Variants in KIAA1217 observed in about 807,000 individuals in gnomAD.
KIAA1217 encodes the protein KIAA1217.
In KIAA1217, 88 loss-of-function variants were observed where a neutral mutation model predicts 163.9. That is an observed-to-expected ratio of 0.54 (90% CI 0.45 to 0.64). The LOEUF (loss-of-function observed/expected upper bound fraction) is 0.64, where lower values mean the gene tolerates loss of function less well. Among genes scored for constraint, KIAA1217 ranks in the 30% least tolerant of loss-of-function variants. The probability of loss-of-function intolerance (pLI) is 0.00; values close to 1 mark genes in which losing one functional copy is unlikely to be tolerated. For missense variants in KIAA1217, 2,372 were observed against 2,475.0 expected, an observed-to-expected ratio of 0.96 and a Z score of 0.88; for synonymous variants, 903 against 923.1, an observed-to-expected ratio of 0.98 and a Z score of 0.39.
At chr10:24,368,250 A>G (rs1465606915) in intron 2 of KIAA1217, among the ~76,000 whole-genome samples, 1 of 152,158 alleles carries the variant, frequency 6.6e-6, no homozygotes, top group African/African-American at 2.4e-5. Context: ...GTTAAAATGC[A>G]GAAAGGGAAA....
intron 9 of KIAA1217, among the ~76,000 whole-genome samples, chr10:24,508,810 A>G (rs1349187273): frequency 6.6e-6 from 1 of 152,264 alleles, no homozygotes; most frequent in Non-Finnish European, 1.5e-5. Flanking sequence ...AGCACATGTT[A>G]TATAATTCCA....
intron 2 of KIAA1217, among the ~76,000 whole-genome samples, chr10:24,105,877 G>T (rs528842045): frequency 6.6e-6 from 1 of 152,186 alleles, no homozygotes; most frequent in African/African-American, 2.4e-5. Flanking sequence ...TGGAGCCTTG[G>T]GGGAGGAAAG....
chr10:23,799,879 G>A (rs529635223), intron 1 of KIAA1217, among the ~76,000 whole-genome samples: 1 of 152,272 alleles, frequency 6.6e-6, no homozygotes, highest in African/African-American at 2.4e-5. Flanking sequence ...CAGCAAACAG[G>A]GGAGGGTTCT....
intron 2 of KIAA1217, among the ~76,000 whole-genome samples, chr10:24,251,741 G>A (rs1157353216): frequency 2.0e-5 from 3 of 151,930 alleles, no homozygotes; most frequent in African/African-American, 7.3e-5. Flanking sequence ...GTGGGGAGGT[G>A]GAAGGAATTT....
At chr10:24,150,956 G>T (rs924141087) in intron 2 of KIAA1217, among the ~76,000 whole-genome samples, 29 of 152,224 alleles carry the variant, frequency 1.9e-4, no homozygotes, top group African/African-American at 6.0e-4. Context: ...TGAAATGGAA[G>T]GGAATGTTAT....
chr10:23,799,737 A>G (rs1026297408), intron 1 of KIAA1217, among the ~76,000 whole-genome samples: 4 of 152,316 alleles, frequency 2.6e-5, no homozygotes, highest in Non-Finnish European at 4.4e-5. Flanking sequence ...TATGTATGAA[A>G]TAGAAATTCT....
Position 24,255,426 on chromosome 10 carries a change from C to T in KIAA1217, c.354+35517C>T, listed in dbSNP as rs150668361. On this transcript the variant is annotated intron_variant, in intron 2 of 20. Coordinates refer to ENST00000376454, the MANE Select transcript of KIAA1217 (RefSeq NM_019590.5). The stretch of plus-strand genomic sequence containing the variant: ...TGTGGAGCGGGCGGGTCCCGCCACC[C>T]GTGGGCTCAGCACTGGACTGCTCCC... 7.2e-4 allele frequency: 288 copies of T among 400,322 alleles called. 1 individual carries two copies. Among genetic ancestry groups the T allele is most frequent in the African/African-American group, 5.4e-3 (259 of 47,708 alleles). 24.8% of individuals were successfully genotyped at this position (400,322 alleles called of 1,614,324 possible).
intron 2 of KIAA1217, among the ~76,000 whole-genome samples, chr10:24,198,892 C>T (rs1173825740): frequency 6.6e-6 from 1 of 152,068 alleles, no homozygotes; most frequent in South Asian, 2.1e-4. Flanking sequence ...CAGTACTCTC[C>T]GAACTACTAG....
upstream of KIAA1217, among the ~76,000 whole-genome samples, chr10:24,204,930 G>A (rs1312852317): frequency 6.6e-6 from 1 of 152,130 alleles, no homozygotes; most frequent in Non-Finnish European, 1.5e-5. Context: ...AAACACTTTT[G>A]TTGACTTCTT....
rs1397330484 is a variant in KIAA1217 at position 24,527,971 on chromosome 10, T to C, written c.2934T>C (p.Asn978=). ...AEKKWEEKRQ[N]LDHYNGKEFE... ...AGAAATGGGAGGAAAAAAGGCAAAA[T>C]CTGGATCACTATAATGGGAAAGAGT... The change falls in exon 14 of 21, where the codon AAT becomes AAC. Residue 978 remains asparagine (N), a synonymous_variant. Transcript: ENST00000376454. 1.9e-6 allele frequency: 3 copies of C among 1,613,882 alleles called. No individual in the cohort carries two copies. The highest frequency in any genetic ancestry group is 2.5e-6 in the Non-Finnish European group (3 of 1,179,994).
intron 2 of KIAA1217, among the ~76,000 whole-genome samples, chr10:24,335,293 G>GT (rs1211182847): frequency 1.5e-5 from 2 of 132,526 alleles, no homozygotes; most frequent in Non-Finnish European, 1.7e-5. Context: ...GGGCAAGGAG[G>GT]GTTTTTTTTT....
intron 5 of KIAA1217, among the ~76,000 whole-genome samples, chr10:24,439,382 A>G (rs970953896): frequency 1.3e-5 from 2 of 152,180 alleles, no homozygotes; most frequent in African/African-American, 4.8e-5. Flanking sequence ...AAATAAATAA[A>G]TGATTACCTT....
At chr10:24,369,695 C>T (rs778872791) in intron 2 of KIAA1217, among the ~76,000 whole-genome samples, 2 of 152,162 alleles carry the variant, frequency 1.3e-5, no homozygotes, top group Non-Finnish European at 2.9e-5. Flanking sequence ...TTACTTGAGA[C>T]TTCAAAGGCT....
At chr10:24,498,770 A>T (rs1468446612) in intron 8 of KIAA1217, among the ~76,000 whole-genome samples, 1 of 152,186 alleles carries the variant, frequency 6.6e-6, no homozygotes, top group East Asian at 1.9e-4. Flanking sequence ...GGGGAATTGC[A>T]CCGCTGCACT....
intron 5 of KIAA1217, among the ~76,000 whole-genome samples, chr10:24,442,382 T>C (rs1256798833): frequency 2.0e-5 from 3 of 152,228 alleles, no homozygotes; most frequent in African/African-American, 4.8e-5. Flanking sequence ...TACTCTTTTT[T>C]ATCTGAACCT....
chr10:24,156,728 C>T (rs541196618), intron 2 of KIAA1217, among the ~76,000 whole-genome samples: 21 of 152,118 alleles, frequency 1.4e-4, no homozygotes, highest in African/African-American at 2.4e-4. Flanking sequence ...ACCCTAGAGC[C>T]GGCTGAAACT....
chr10:23,856,122 T>C (rs1359736261), intron 1 of KIAA1217, among the ~76,000 whole-genome samples: 1 of 152,236 alleles, frequency 6.6e-6, no homozygotes, highest in African/African-American at 2.4e-5. Context: ...CTGCTCTGTT[T>C]TTTCCCCATC....
At chr10:24,359,532 CATGA>C in intron 2 of KIAA1217, among the ~76,000 whole-genome samples, 1 of 152,282 alleles carries the variant, frequency 6.6e-6, no homozygotes, top group Middle Eastern at 3.4e-3. Flanking sequence ...ATTACTATGT[CATGA>C]ATGAAGAAAG....
chr10:23,859,230 A>T (rs1468825227), intron 1 of KIAA1217, among the ~76,000 whole-genome samples: 1 of 152,142 alleles, frequency 6.6e-6, no homozygotes, highest in Non-Finnish European at 1.5e-5. Context: ...AAGCCTGTGG[A>T]TTGGGAACCT....
Sources: allele counts gnomAD v4.1 joint callset (sites outside exome capture counted in the v4.1 genomes callset), GRCh38; gene constraint gnomAD v4.1.1; transcripts MANE v1.5; gene names NCBI Gene and HGNC (gene_info 2026-07-23, HGNC 2026-07-21).